GAL3ST2: variants seen among roughly 807,000 people sequenced by gnomAD.
GAL3ST2 encodes the protein beta-galactose-3-O-sulfotransferase 2.
Under a neutral mutation model 12.9 loss-of-function variants are expected in GAL3ST2, and 16 were observed. The ratio of observed to expected loss-of-function variants is 1.24; its 90% CI spans 0.84 to 1.88. The LOEUF is 1.88. GAL3ST2 is among the 40% of genes most tolerant of loss of function. The pLI is 0.00. For missense variants in GAL3ST2, 639 were observed against 571.8 expected, an observed-to-expected ratio of 1.12 and a Z score of -1.20; for synonymous variants, 302 against 273.9, an observed-to-expected ratio of 1.10 and a Z score of -1.01.
At chr2:241,778,392 C>T (rs952744032) in intron 1 of GAL3ST2, among the ~76,000 whole-genome samples, 1 of 152,244 alleles carries the variant, frequency 6.6e-6, no homozygotes, top group Non-Finnish European at 1.5e-5. Flanking sequence ...CCACCGGCCA[C>T]GGGAAATCCA....
In GAL3ST2 at chr2:241,793,599, ATATGTGTG is replaced by A. The variant is rs201167812; in HGVS notation, c.30-5464_30-5457del. 0.022 allele frequency among the ~76,000 whole-genome samples: 3,180 copies of A among 144,810 alleles called. 178 individuals are homozygous for A. Among genetic ancestry groups the A allele is most frequent in the Admixed American group, 0.11 (1,638 of 14,814 alleles). ...TATATGTGTATGTATGTATATGTGT[ATATGTGTG>A]TGTATTGTGTGTGTACATATTGTGT... On this transcript the variant is annotated intron_variant, in intron 1 of 3. Coordinates refer to ENST00000192314, the MANE Select transcript of GAL3ST2 (RefSeq NM_022134.3). The surrounding 1 kb of genome is among the most constrained non-coding windows in gnomAD (Gnocchi z 4.7).
rs1369499534 is a variant in GAL3ST2, at chr2:241,802,405, C to A, written c.375+369C>A. Among the ~76,000 whole-genome samples the A allele has an allele frequency of 6.6e-6, 1 of 152,144 alleles. No homozygotes were observed. Among genetic ancestry groups the A allele is most frequent in the East Asian group, 1.9e-4 (1 of 5,188 alleles). On this transcript the variant is annotated intron_variant, in intron 3 of 3. Coordinates refer to ENST00000192314, the MANE Select transcript of GAL3ST2 (RefSeq NM_022134.3). This position sits in a 1 kb window ranked among gnomAD's most constrained non-coding sequence, Gnocchi z 4.8. ...GGGTCCCTTGGGTCTCAGCATAGAGCCGGCTTCCCCCCAGGGCTTCCCTGA... is the reference window on the plus strand; with the variant it reads ...GGGTCCCTTGGGTCTCAGCATAGAGACGGCTTCCCCCCAGGGCTTCCCTGA...
At chr2:241,789,991 C>T (rs1250444193) in intron 1 of GAL3ST2, among the ~76,000 whole-genome samples, 4 of 125,846 alleles carry the variant, frequency 3.2e-5, no homozygotes, top group Non-Finnish European at 6.5e-5. Context: ...TCTGATATAA[C>T]TTAGTATGCT....
intron 1 of GAL3ST2, among the ~76,000 whole-genome samples, chr2:241,777,904 G>A (rs529104512): frequency 4.6e-5 from 7 of 152,202 alleles, no homozygotes; most frequent in East Asian, 1.9e-4. Context: ...CGGCCAGGGC[G>A]GGTGTGCCTG....
chr2:241,791,425 T>C (rs1699692663), intron 1 of GAL3ST2, among the ~76,000 whole-genome samples: 1 of 152,206 alleles, frequency 6.6e-6, no homozygotes, highest in Admixed American at 6.5e-5. Flanking sequence ...GGAATCAAAC[T>C]TGACTTATGG....
chr2:241,801,759 C>A lies in GAL3ST2; in HGVS notation c.120-22C>A. The A allele has an allele frequency of 6.2e-7, 1 of 1,607,576 alleles. No homozygotes were observed. Among genetic ancestry groups the A allele is most frequent in the Non-Finnish European group, 8.5e-7 (1 of 1,177,358 alleles). ...GGGGCATCTGCACCCTTGCTGAAGGCTGCGTGTGCCTTCCCTCCCAGCCTG... is the reference window on the plus strand; with the variant it reads ...GGGGCATCTGCACCCTTGCTGAAGGATGCGTGTGCCTTCCCTCCCAGCCTG... On this transcript the variant is annotated intron_variant, in intron 2 of 3. Transcript: ENST00000192314. The surrounding 1 kb of genome is among the most constrained non-coding windows in gnomAD (Gnocchi z 4.4).
chr2:241,777,715 C>A (rs1008062961), intron 1 of GAL3ST2, among the ~76,000 whole-genome samples: 1 of 152,162 alleles, frequency 6.6e-6, no homozygotes, highest in East Asian at 1.9e-4. Context: ...GAGGACACCC[C>A]GTCACAGGGC....
chr2:241,800,335 C>T lies in GAL3ST2; in HGVS notation c.119+1181C>T, dbSNP rs113491545. ...CGACCCAGGCTGGGAGCACAGCCGC[C>T]GACCCAGGCTGGGAGCGGGCACTTC... On this transcript the variant is annotated intron_variant, in intron 2 of 3. Transcript: ENST00000192314. This position sits in a 1 kb window ranked among gnomAD's most constrained non-coding sequence, Gnocchi z 5.2. Among the ~76,000 whole-genome samples, 509 of 150,630 alleles carry T rather than the reference C, an allele frequency of 3.4e-3. 3 individuals carry two copies. The highest frequency in any genetic ancestry group is 0.012 in the African/African-American group (489 of 40,956).
Position 241,801,869 on chromosome 2 carries a change from A to G in GAL3ST2, c.208A>G (p.Ile70Val). Residue 70 changes from isoleucine to valine, a missense_variant, in exon 3 of 4, where the codon ATC (isoleucine) becomes GTC (valine). Ile to Val is a conservative substitution (Grantham distance 29, BLOSUM62 3). Coordinates refer to ENST00000192314, the MANE Select transcript of GAL3ST2 (RefSeq NM_022134.3). The surrounding 1 kb of genome is among the most constrained non-coding windows in gnomAD (Gnocchi z 4.4). ...HKTASSTVLN[I>V]LYRFAETHNL... Reference sequence around the variant, plus strand: ...GACGGCCAGCAGCACGGTGCTCAACATCCTCTACCGCTTCGCCGAGACCCA... The same window carrying G: ...GACGGCCAGCAGCACGGTGCTCAACGTCCTCTACCGCTTCGCCGAGACCCA... 1 of 1,612,974 alleles carries G rather than the reference A, an allele frequency of 6.2e-7. No homozygotes were observed. Among genetic ancestry groups the G allele is most frequent in the African/African-American group, 1.3e-5 (1 of 75,048 alleles).
chr2:241,801,672 G>T lies in GAL3ST2; in HGVS notation c.120-109G>T. On this transcript the variant is annotated intron_variant, in intron 2 of 3. Transcript: ENST00000192314. The surrounding 1 kb of genome is among the most constrained non-coding windows in gnomAD (Gnocchi z 4.4). ...TGGCCCCCTGGCCTAGAGTTGGGGG[G>T]CTCAGGTTGGGAGGTCTCTCCTTGC... 7.0e-7 allele frequency: 1 copy of T among 1,427,556 alleles called. No individual in the cohort carries two copies. Among genetic ancestry groups the T allele is most frequent in the Non-Finnish European group, 9.4e-7 (1 of 1,068,804 alleles). The allele number at this position is 1,427,556 out of a possible 1,614,324, so 88.4% of individuals were successfully genotyped here. A position where few individuals can be genotyped will look rare whatever the true frequency, so the allele number is the denominator to read the frequency against.
At chr2:241,784,173 A>G (rs1699600042) in intron 1 of GAL3ST2, among the ~76,000 whole-genome samples, 1 of 151,944 alleles carries the variant, frequency 6.6e-6, no homozygotes, top group African/African-American at 2.4e-5. Context: ...AGCTGGGACT[A>G]CAGGTGCTCA....
intron 1 of GAL3ST2, among the ~76,000 whole-genome samples, chr2:241,781,169 T>C (rs545423662): frequency 6.6e-6 from 1 of 152,330 alleles, no homozygotes; most frequent in Admixed American, 6.5e-5. Flanking sequence ...GGAGTATACT[T>C]TACTCAATTC....
rs1208636835 is a variant in GAL3ST2, at chr2:241,802,886, GTTTC to G, written c.376-455_376-452del. 2.6e-5 allele frequency among the ~76,000 whole-genome samples: 4 copies of G among 152,126 alleles called. No individual in the cohort carries two copies. The highest frequency in any genetic ancestry group is 2.1e-4 in the South Asian group (1 of 4,836). Reference sequence around the variant, plus strand: ...GGTCACGGACCTTCTCTGGGCCTCAGTTTCTTTGTCTGTTAGGTGGGTGTCACCC... The same window carrying G: ...GGTCACGGACCTTCTCTGGGCCTCAGTTTGTCTGTTAGGTGGGTGTCACCC... On this transcript the variant is annotated intron_variant, in intron 3 of 3. Transcript: ENST00000192314. The surrounding 1 kb of genome is among the most constrained non-coding windows in gnomAD (Gnocchi z 4.8).
intron 1 of GAL3ST2, among the ~76,000 whole-genome samples, chr2:241,790,843 T>C (rs1699685863): frequency 6.6e-6 from 1 of 152,130 alleles, no homozygotes; most frequent in South Asian, 2.1e-4. Context: ...CTGCTCTCTC[T>C]TTGAAGTCTG....
chr2:241,803,860 G>A lies in GAL3ST2; in HGVS notation c.891G>A (p.Glu297=). 1 of 1,438,546 alleles carries A rather than the reference G, an allele frequency of 7.0e-7. No individual in the cohort carries two copies. Among genetic ancestry groups the A allele is most frequent in the Non-Finnish European group, 9.0e-7 (1 of 1,105,692 alleles). 89.1% of individuals were successfully genotyped at this position (1,438,546 alleles called of 1,614,324 possible). ...CCCTCTGGGCGCAGCTGCGCGCCGA[G>A]CTGGGGCCGCGGCGGCTGCGCGGGG... ...NRTLWAQLRA[E]LGPRRLRGEV... The change falls in exon 4 of 4, where the codon GAG becomes GAA. Residue 297 remains glutamate, a synonymous_variant. Coordinates refer to ENST00000192314, the MANE Select transcript of GAL3ST2 (RefSeq NM_022134.3).
chr2:241,780,372 A>T (rs1247634580), intron 1 of GAL3ST2, among the ~76,000 whole-genome samples: 1 of 152,094 alleles, frequency 6.6e-6, no homozygotes, highest in African/African-American at 2.4e-5. Context: ...TACAAAAATT[A>T]GCTGGGCATG....
intron 1 of GAL3ST2, 145 bp downstream of exon 1, chr2:241,777,129 C>A: frequency 1.3e-6 from 1 of 747,622 alleles, no homozygotes; most frequent in Non-Finnish European, 1.9e-6. Context: ...TCCCTGAATT[C>A]ACCTGTCTTG....
chr2:241,793,045 G>A lies in GAL3ST2; in HGVS notation c.30-6020G>A, dbSNP rs1329384688. Among the ~76,000 whole-genome samples, 4 of 152,090 alleles carry A rather than the reference G, an allele frequency of 2.6e-5. No individual in the cohort carries two copies. Among genetic ancestry groups the A allele is most frequent in the Admixed American group, 1.3e-4 (2 of 15,274 alleles). On this transcript the variant is annotated intron_variant, in intron 1 of 3. Transcript: ENST00000192314. The surrounding 1 kb of genome is among the most constrained non-coding windows in gnomAD (Gnocchi z 4.7). ...TCCAGACCGAACCAATGTTCGTCCT[G>A]CATATGCGGACTGATGTCTCATGTC...
rs767295818 is a variant in GAL3ST2, at chr2:241,804,204, A to G, written c.*38A>G. 239 of 1,360,726 alleles carry G rather than the reference A, an allele frequency of 1.8e-4. No homozygotes were observed. The highest frequency in any genetic ancestry group is 2.2e-4 in the Non-Finnish European group (227 of 1,047,760). The allele number at this position is 1,360,726 out of a possible 1,614,324, so 84.3% of individuals were successfully genotyped here. A position where few individuals can be genotyped will look rare whatever the true frequency, so the allele number is the denominator to read the frequency against. On this transcript the variant is annotated 3_prime_UTR_variant, in exon 4 of 4. Coordinates refer to ENST00000192314, the MANE Select transcript of GAL3ST2 (RefSeq NM_022134.3). ...GGGGACGAGGCCTCCTGCGGACACCAGCTCCTCTCTCCGCCGTCACCGGGG... is the reference window on the plus strand; with the variant it reads ...GGGGACGAGGCCTCCTGCGGACACCGGCTCCTCTCTCCGCCGTCACCGGGG...
Sources: allele counts gnomAD v4.1 joint callset (sites outside exome capture counted in the v4.1 genomes callset), GRCh38; gene constraint gnomAD v4.1.1; non-coding constraint Gnocchi (gnomAD v3.1); transcripts MANE v1.5; gene names NCBI Gene and HGNC (gene_info 2026-07-23, HGNC 2026-07-21).